The following STIMATE variants were observed in gnomAD, a reference collection of about 807,000 sequenced individuals.
STIMATE encodes the protein STIM activating enhancer, also known as store-operated calcium entry regulator STIMATE.
STIMATE carries 15 observed loss-of-function variants against 36.7 expected under a neutral mutation model. The observed-to-expected ratio is 0.41, with a 90% CI of 0.27 to 0.63. The LOEUF (loss-of-function observed/expected upper bound fraction) is 0.63. Among genes scored for constraint, STIMATE ranks in the 20% least tolerant of loss-of-function variants. The pLI is 0.32. For synonymous variants in STIMATE, 163 were observed against 162.3 expected, an observed-to-expected ratio of 1.00 and a Z score of -0.03; for missense variants, 305 against 397.3, an observed-to-expected ratio of 0.77 and a Z score of 1.98.
chr3:52,894,272 C>A (rs1204900044), intron 1 of STIMATE, among the ~76,000 whole-genome samples: 1 of 152,182 alleles, frequency 6.6e-6, no homozygotes, highest in Non-Finnish European at 1.5e-5. Flanking sequence ...CTCTAGGAAG[C>A]CCGCCAACTC....
At chr3:52,845,981 A>G (rs1372841907) in intron 4 of STIMATE, among the ~76,000 whole-genome samples, 1 of 152,120 alleles carries the variant, frequency 6.6e-6, no homozygotes, top group Admixed American at 6.5e-5. Flanking sequence ...AATCCAGGCT[A>G]TGAGAAGATA....
At chr3:52,886,393 A>G (rs1435553903) in intron 1 of STIMATE, among the ~76,000 whole-genome samples, 1 of 152,232 alleles carries the variant, frequency 6.6e-6, no homozygotes, top group Non-Finnish European at 1.5e-5. Flanking sequence ...TGATTGTCAC[A>G]TCCTTAGACA....
rs548463198 is a variant in STIMATE, at chr3:52,855,565, T to C, written c.161-121A>G. 3.6e-6 allele frequency: 5 copies of C among 1,379,450 alleles called. No individual in the cohort carries two copies. The Admixed American group carries it at 7.7e-5, about 21-fold the overall frequency. 85.5% of individuals were successfully genotyped at this position (1,379,450 alleles called of 1,614,324 possible). A position where few individuals can be genotyped will look rare whatever the true frequency, so the allele number is the denominator to read the frequency against. On this transcript the variant is annotated intron_variant, in intron 1 of 7. Transcript: ENST00000355083. ...ATAACCAAGGTAATACACACACTCT[T>C]TTAACATGTAACAACATACAGTAAG... is the stretch of plus-strand genomic sequence containing the variant.
intron 7 of STIMATE, among the ~76,000 whole-genome samples, chr3:52,840,986 G>A (rs1450081576): frequency 1.3e-5 from 2 of 152,142 alleles, no homozygotes; most frequent in Admixed American, 6.5e-5. Flanking sequence ...GATTACAGGC[G>A]TGAGCCACCA....
chr3:52,861,089 A>G (rs1701208971), intron 1 of STIMATE, among the ~76,000 whole-genome samples: 1 of 152,222 alleles, frequency 6.6e-6, no homozygotes, highest in South Asian at 2.1e-4. Flanking sequence ...GAGCCAGGAA[A>G]GCATAAGCCA....
At chr3:52,856,045 T>C (rs998774958) in intron 1 of STIMATE, among the ~76,000 whole-genome samples, 6 of 152,142 alleles carry the variant, frequency 3.9e-5, no homozygotes, top group Non-Finnish European at 5.9e-5. Context: ...ACTTTACTGA[T>C]GGGGGACGGT....
intron 1 of STIMATE, among the ~76,000 whole-genome samples, chr3:52,872,036 T>A (rs1425208164): frequency 6.6e-6 from 1 of 152,162 alleles, no homozygotes; most frequent in Non-Finnish European, 1.5e-5. Flanking sequence ...GGTCACCAAG[T>A]GGCTGGCTTC....
intron 1 of STIMATE, among the ~76,000 whole-genome samples, chr3:52,855,736 T>G (rs1701081677): frequency 6.6e-6 from 1 of 152,192 alleles, no homozygotes; most frequent in Non-Finnish European, 1.5e-5. Context: ...AGATAAGGAT[T>G]GGTAATGACA....
chr3:52,837,133 T>G lies in STIMATE; in HGVS notation c.*3361A>C, dbSNP rs1421928190. The G allele has an allele frequency of 6.5e-6, 1 of 153,588 alleles. No homozygotes were observed. The highest frequency in any genetic ancestry group is 1.4e-5 in the Non-Finnish European group (1 of 68,994). The allele number at this position is 153,588 out of a possible 1,614,324, so 9.5% of individuals were successfully genotyped here. On this transcript the variant is annotated 3_prime_UTR_variant, in exon 8 of 8. Transcript: ENST00000355083. ...AAACTTCTAAAAGCCAGCCCCACAT[T>G]CTACAAGGCAGCTGCTCTGGCCAGT...
rs149340087 is a variant in STIMATE, at chr3:52,844,891, C to T, written c.478G>A (p.Val160Met). Residue 160 changes from valine (V) to methionine (M), a missense_variant, in exon 5 of 8, where the codon GTG (valine) becomes ATG (methionine). Val to Met is a conservative substitution (Grantham distance 21, BLOSUM62 1). Around this residue, in one of 3 missense-constraint regions of STIMATE, gnomAD observed 164 missense variants for 257.9 expected, o/e 0.64. Coordinates refer to ENST00000355083, the MANE Select transcript of STIMATE (RefSeq NM_198563.5). ...ACAGACTTTTCAAAAATCATGATCA[C>T]GATGTAAAGAGCGCACTGCCCGACC... ...AWVGQCALYI[V>M]IMIFEKSVVF... 28 of 1,614,050 alleles carry T rather than the reference C, an allele frequency of 1.7e-5. No homozygotes were observed. The highest frequency in any genetic ancestry group is 8.3e-5 in the Admixed American group (5 of 60,024).
In STIMATE at chr3:52,882,770, G is replaced by A. The variant is rs535353967; in HGVS notation, c.160+14521C>T. Among the ~76,000 whole-genome samples the A allele has an allele frequency of 1.1e-4, 16 of 152,270 alleles. 1 individual carries two copies. In the South Asian group the frequency reaches 3.3e-3, roughly 32 times the overall value. ...ATCCTATCGGTGCAATGAGGAGTCT[G>A]CTAACAAGGGCAGTTTGGACAAAAA... is the stretch of plus-strand genomic sequence containing the variant. On this transcript the variant is annotated intron_variant, in intron 1 of 7. Coordinates refer to ENST00000355083, the MANE Select transcript of STIMATE (RefSeq NM_198563.5).
rs1330383966 is a variant in STIMATE, at chr3:52,881,438, T to C, written c.160+15853A>G. ...ACTCAGGAGGGCTGGGCGCGGTGGCTTGACGCCTGTAATCCCAGCACTTTC... is the reference window on the plus strand; with the variant it reads ...ACTCAGGAGGGCTGGGCGCGGTGGCCTGACGCCTGTAATCCCAGCACTTTC... On this transcript the variant is annotated intron_variant, in intron 1 of 7. Coordinates refer to ENST00000355083, the MANE Select transcript of STIMATE (RefSeq NM_198563.5). 2.0e-5 allele frequency among the ~76,000 whole-genome samples: 3 copies of C among 151,522 alleles called. No homozygotes were observed. The South Asian group carries it at 6.3e-4, about 32-fold the overall frequency.
intron 1 of STIMATE, among the ~76,000 whole-genome samples, chr3:52,866,469 C>T (rs1005003979): frequency 7.2e-5 from 11 of 152,232 alleles, no homozygotes; most frequent in Non-Finnish European, 1.3e-4. Context: ...CCCATGCTCA[C>T]GCCCTCCCCT....
rs183845193 is a variant in STIMATE at position 52,859,031 on chromosome 3, G to A, written c.161-3587C>T. 4.2e-4 allele frequency among the ~76,000 whole-genome samples: 63 copies of A among 151,788 alleles called. 1 individual carries two copies. The highest frequency in any genetic ancestry group is 5.9e-4 in the Non-Finnish European group (40 of 67,940). ...AAAAAACTTAGCTGGGTGTGGTGGC[G>A]CGTGCCTGTAATCCCAGCTATTTGG... On this transcript the variant is annotated intron_variant, in intron 1 of 7. Coordinates refer to ENST00000355083, the MANE Select transcript of STIMATE (RefSeq NM_198563.5).
chr3:52,855,342 G>C, intron 2 of STIMATE, 54 bp downstream of exon 2: 59 of 900,498 alleles, frequency 6.6e-5, no homozygotes, highest in African/African-American at 8.3e-5. Context: ...CCAGCCCCAA[G>C]ACCCCCAACA....
intron 1 of STIMATE, 65 bp from the exon 2 acceptor site, chr3:52,855,509 A>C (rs1190243537): frequency 6.2e-7 from 1 of 1,608,150 alleles, no homozygotes; most frequent in Non-Finnish European, 8.5e-7. Context: ...TGCACATAAC[A>C]AGCTGGGTTA....
rs563182070 is a variant in STIMATE at position 52,849,840 on chromosome 3, C to T, written c.379G>A (p.Val127Ile). The change falls in exon 4 of 8, where the codon GTC becomes ATC. Residue 127 changes from valine (V) to isoleucine (I), a missense_variant. Around this residue, in one of 3 missense-constraint regions of STIMATE, gnomAD observed 164 missense variants for 257.9 expected, o/e 0.64. Transcript: ENST00000355083. ...TCCCACTGCTGCCACTCTACCAGGACGCTGACGGCGCGCACCCCCACGTAG... is the reference window on the plus strand; with the variant it reads ...TCCCACTGCTGCCACTCTACCAGGATGCTGACGGCGCGCACCCCCACGTAG... ...LIYVGVRAVS[V>I]LVEWQQWESL... 1.2e-5 allele frequency: 19 copies of T among 1,613,786 alleles called. No homozygotes were observed. Among genetic ancestry groups the T allele is most frequent in the Admixed American group, 5.0e-5 (3 of 60,026 alleles).
At position 52,840,176 on chromosome 3, in the gene STIMATE, G is replaced by A. The variant is rs146659360; in HGVS notation, c.*318C>T. 5.5e-5 allele frequency: 9 copies of A among 162,168 alleles called. No homozygotes were observed. The East Asian group carries it at 1.4e-3, about 25-fold the overall frequency. The allele number at this position is 162,168 out of a possible 1,614,324, so 10.0% of individuals were successfully genotyped here. On this transcript the variant is annotated 3_prime_UTR_variant, in exon 8 of 8. Transcript: ENST00000355083. ...ACCTTGCCACTCGGTGGTCGGACAC[G>A]GGGCAGGGCCTCAGGTCCCTCACAA...
intron 1 of STIMATE, among the ~76,000 whole-genome samples, chr3:52,888,140 C>T (rs1323104039): frequency 6.6e-6 from 1 of 151,598 alleles, no homozygotes; most frequent in South Asian, 2.1e-4. Flanking sequence ...AACACATGTC[C>T]CTCATCTCCA....
Sources: gnomAD v4.1 joint callset for allele counts (sites outside exome capture counted in the v4.1 genomes callset) on GRCh38, gnomAD v4.1.1 for gene constraint, gnomAD v4.1.1 regional missense constraint, MANE v1.5 for transcripts, NCBI Gene and HGNC (gene_info 2026-07-23, HGNC 2026-07-21) for gene names.